Variants in IL1RAPL2 observed in about 807,000 individuals in gnomAD.
IL1RAPL2 encodes the protein interleukin 1 receptor accessory protein like 2, also known as X-linked interleukin-1 receptor accessory protein-like 2.
Under a neutral mutation model 44.1 loss-of-function variants are expected in IL1RAPL2, and 3 were observed. That is an observed-to-expected ratio of 0.07 (90% CI 0.03 to 0.18). The LOEUF is 0.18. IL1RAPL2 is among the 10% of genes least tolerant of loss of function. The pLI is 1.00. For synonymous variants in IL1RAPL2, 181 were observed against 178.8 expected (o/e 1.01, Z -0.10); for missense variants, 391 against 496.4 (o/e 0.79, Z 2.02).
chrX:105,061,131 G>A (rs777658937), intron 2 of IL1RAPL2, among the ~76,000 whole-genome samples: 15 of 110,642 alleles, frequency 1.4e-4, no homozygotes, highest in Non-Finnish European at 2.3e-4. Flanking sequence ...TGCTACATTA[G>A]GCTGTTTATT....
intron 1 of IL1RAPL2, among the ~76,000 whole-genome samples, chrX:104,576,982 T>C (rs74966010): frequency 1.3e-4 from 15 of 112,215 alleles, no homozygotes; most frequent in African/African-American, 4.9e-4. Flanking sequence ...TTTCCCATGG[T>C]AGTTATTTCA....
chrX:105,691,475 CA>C (rs1390785004), intron 6 of IL1RAPL2, among the ~76,000 whole-genome samples: 6 of 111,709 alleles, frequency 5.4e-5, no homozygotes. Flanking sequence ...AGTCATACCA[CA>C]AGACCAAATT....
chrX:105,447,618 C>CATAAATATATATTTATATAAAT (rs2035977500), intron 5 of IL1RAPL2, among the ~76,000 whole-genome samples: 1 of 62,956 alleles, frequency 1.6e-5, no homozygotes, highest in Non-Finnish European at 2.7e-5. Context: ...AATATATAAA[C>CATAAATATATATTTATATAAAT]ATAAATATAT....
chrX:105,406,244 A>C, intron 5 of IL1RAPL2: 1 of 1,109,126 alleles, frequency 9.0e-7, no homozygotes, highest in South Asian at 1.8e-5. Context: ...GTTTAAGGAC[A>C]AAAGTGTCTG....
chrX:105,369,669 T>C (rs761208032), intron 5 of IL1RAPL2, among the ~76,000 whole-genome samples: 2 of 111,671 alleles, frequency 1.8e-5, no homozygotes, highest in Non-Finnish European at 3.8e-5. Context: ...AAAGTCATCT[T>C]TTTGTTTTCT....
At chrX:104,948,713 A>G (rs1434646460) in intron 2 of IL1RAPL2, among the ~76,000 whole-genome samples, 1 of 110,599 alleles carries the variant, frequency 9.0e-6, no homozygotes, top group Non-Finnish European at 1.9e-5. Flanking sequence ...TATATGCTGG[A>G]TTACGTTTAT....
intron 1 of IL1RAPL2, among the ~76,000 whole-genome samples, chrX:104,644,952 C>G (rs1052053616): frequency 4.5e-5 from 5 of 111,696 alleles, no homozygotes; most frequent in Non-Finnish European, 9.4e-5. Context: ...AGCCTTTTTA[C>G]TTGGCTAAAT....
intron 2 of IL1RAPL2, among the ~76,000 whole-genome samples, chrX:105,006,269 A>C (rs1343442207): frequency 9.1e-6 from 1 of 110,136 alleles, no homozygotes; most frequent in Non-Finnish European, 1.9e-5. Context: ...TGCAGAAAGG[A>C]GGGGGAAAGC....
intron 5 of IL1RAPL2, among the ~76,000 whole-genome samples, chrX:105,367,525 A>G (rs1289098261): frequency 9.0e-6 from 1 of 111,193 alleles, no homozygotes; most frequent in African/African-American, 3.3e-5. Context: ...AGAATTTTTC[A>G]TTATGGCTAA....
intron 2 of IL1RAPL2, among the ~76,000 whole-genome samples, chrX:105,191,175 T>TA (rs1556136864): frequency 8.9e-6 from 1 of 112,589 alleles, no homozygotes; most frequent in African/African-American, 3.2e-5. Context: ...TTCACTCCAT[T>TA]ATAATTGTTT....
chrX:104,582,665 CT>C (rs1230557717), intron 1 of IL1RAPL2, among the ~76,000 whole-genome samples: 12 of 39,918 alleles, frequency 3.0e-4, no homozygotes, highest in Non-Finnish European at 3.7e-4. Context: ...TCTTTTTTTT[CT>C]TTTTTCTTTC....
intron 2 of IL1RAPL2, among the ~76,000 whole-genome samples, chrX:104,942,919 A>G (rs183251492): frequency 1.7e-4 from 19 of 111,539 alleles, no homozygotes; most frequent in Admixed American, 4.8e-4. Context: ...GTTGAATTTT[A>G]TCGAAGGCCT....
At chrX:105,701,862 T>C (rs985616432) in intron 6 of IL1RAPL2, among the ~76,000 whole-genome samples, 2 of 111,632 alleles carry the variant, frequency 1.8e-5, no homozygotes, top group Non-Finnish European at 3.8e-5. Context: ...TGTTCTTAGA[T>C]TGCAAGAGTG....
chrX:105,460,153 C>CT (rs761857893), intron 5 of IL1RAPL2, among the ~76,000 whole-genome samples: 1 of 111,051 alleles, frequency 9.0e-6, no homozygotes, highest in Non-Finnish European at 1.9e-5. Context: ...TTTGTTTCTT[C>CT]TTTCATAATA....
chrX:104,790,750 A>G (rs1195620666), intron 2 of IL1RAPL2, among the ~76,000 whole-genome samples: 1 of 111,765 alleles, frequency 8.9e-6, no homozygotes, highest in African/African-American at 3.3e-5. Flanking sequence ...ACATTTTGGT[A>G]TATCTCCTTT....
intron 2 of IL1RAPL2, among the ~76,000 whole-genome samples, chrX:104,751,536 A>G (rs1932259357): frequency 9.0e-6 from 1 of 111,171 alleles, no homozygotes; most frequent in African/African-American, 3.3e-5. Flanking sequence ...AGACTTCATT[A>G]TTGAACCAGT....
Position 105,333,431 on chromosome X carries a change from A to T in IL1RAPL2, c.697+65890A>T, listed in dbSNP as rs1427275525. 4.5e-5 allele frequency among the ~76,000 whole-genome samples: 5 copies of T among 111,700 alleles called. No individual in the cohort carries two copies. In the Admixed American group the frequency reaches 4.8e-4, roughly 11 times the overall value. ...AACTACTACAAGAAAACGTTGGGAA[A>T]ACTCTCCAGGACATCAGCCTGGGCA... On this transcript the variant is annotated intron_variant, in intron 5 of 10. Transcript: ENST00000372582.
intron 5 of IL1RAPL2, chrX:105,406,955 T>G: frequency 9.0e-7 from 1 of 1,112,805 alleles, no homozygotes; most frequent in African/African-American, 1.8e-5. Flanking sequence ...GGGTGCGATC[T>G]TCAAGAAGCC....
chrX:104,727,339 C>T (rs1931816266), intron 2 of IL1RAPL2, among the ~76,000 whole-genome samples: 1 of 110,965 alleles, frequency 9.0e-6, no homozygotes, highest in African/African-American at 3.3e-5. Context: ...AAAAAATAAT[C>T]ATCATCACTA....
Sources: gnomAD v4.1 joint callset for allele counts (sites outside exome capture counted in the v4.1 genomes callset) on GRCh38, gnomAD v4.1.1 for gene constraint, MANE v1.5 for transcripts, NCBI Gene and HGNC (gene_info 2026-07-23, HGNC 2026-07-21) for gene names.